SEMA6D: variants seen among roughly 807,000 people sequenced by gnomAD.
SEMA6D encodes semaphorin-6D.
Under a neutral mutation model 106.6 loss-of-function variants are expected in SEMA6D, and 35 were observed. The ratio of observed to expected loss-of-function variants is 0.33; its 90% CI spans 0.25 to 0.44. The LOEUF (loss-of-function observed/expected upper bound fraction) is 0.44. Among genes scored for constraint, SEMA6D ranks in the 20% least tolerant of loss-of-function variants. The pLI, the probability that SEMA6D is intolerant of heterozygous loss-of-function variation, is 1.00. For synonymous variants in SEMA6D, 499 were observed against 487.7 expected, an observed-to-expected ratio of 1.02 and a Z score of -0.31; for missense variants, 1,185 against 1,345.9, an observed-to-expected ratio of 0.88 and a Z score of 1.87.
chr15:47,328,013 T>C (rs994870066), intron 1 of SEMA6D, among the ~76,000 whole-genome samples: 2 of 152,170 alleles, frequency 1.3e-5, no homozygotes, highest in African/African-American at 4.8e-5. Context: ...ATGGATCTAC[T>C]GCAAGTGAAT....
intron 1 of SEMA6D, among the ~76,000 whole-genome samples, chr15:47,734,415 G>A (rs1292136992): frequency 1.3e-5 from 2 of 152,148 alleles, no homozygotes. Context: ...ATGTTCTGCT[G>A]TTGCCATCTT....
intron 3 of SEMA6D, among the ~76,000 whole-genome samples, chr15:47,481,185 GTCT>G (rs367791029): frequency 7.9e-5 from 12 of 152,176 alleles, no homozygotes; most frequent in African/African-American, 2.9e-4. Flanking sequence ...TGGAGAGGGT[GTCT>G]CCAGTAGATG....
At chr15:47,650,409 T>C (rs1472542134) in intron 4 of SEMA6D, among the ~76,000 whole-genome samples, 1 of 152,214 alleles carries the variant, frequency 6.6e-6, no homozygotes, top group Admixed American at 6.5e-5. Flanking sequence ...TTTTGCTGAA[T>C]TCATATTTAA....
At chr15:47,723,122 C>G (rs553178053) in intron 1 of SEMA6D, among the ~76,000 whole-genome samples, 1 of 152,248 alleles carries the variant, frequency 6.6e-6, no homozygotes, top group Non-Finnish European at 1.5e-5. Flanking sequence ...ATGAAAAAGT[C>G]ATGTTTTGGG....
chr15:47,303,142 A>C (rs548957366), intron 1 of SEMA6D, among the ~76,000 whole-genome samples: 1 of 152,356 alleles, frequency 6.6e-6, no homozygotes, highest in African/African-American at 2.4e-5. Context: ...GAGCAAAAGT[A>C]TGCCTAACAA....
At chr15:47,474,254 A>G (rs974229915) in intron 3 of SEMA6D, among the ~76,000 whole-genome samples, 2 of 152,202 alleles carry the variant, frequency 1.3e-5, no homozygotes, top group East Asian at 3.9e-4. Context: ...CATGAGGAAG[A>G]CAGACCCTCC....
chr15:47,674,704 T>C (rs1044302865), intron 4 of SEMA6D, among the ~76,000 whole-genome samples: 4 of 152,196 alleles, frequency 2.6e-5, no homozygotes, highest in African/African-American at 9.6e-5. Context: ...AAAGCAAGCT[T>C]AGGGGAAAGG....
intron 4 of SEMA6D, among the ~76,000 whole-genome samples, chr15:47,688,290 T>C (rs1348421811): frequency 6.6e-6 from 1 of 152,126 alleles, no homozygotes; most frequent in Non-Finnish European, 1.5e-5. Context: ...ATACTGACTA[T>C]TGGGTGCCAT....
intron 2 of SEMA6D, among the ~76,000 whole-genome samples, chr15:47,445,309 G>T (rs1195685815): frequency 6.6e-6 from 1 of 151,992 alleles, no homozygotes; most frequent in Non-Finnish European, 1.5e-5. Flanking sequence ...CTCTGCCGGG[G>T]AACCACCCTC....
At chr15:47,728,923 C>A (rs1032601718) in intron 1 of SEMA6D, among the ~76,000 whole-genome samples, 24 of 152,184 alleles carry the variant, frequency 1.6e-4, no homozygotes, top group African/African-American at 5.8e-4. Flanking sequence ...AGAATAATCT[C>A]CCTATTTTAA....
chr15:47,713,687 G>A (rs979484629), upstream of SEMA6D, among the ~76,000 whole-genome samples: 1 of 152,030 alleles, frequency 6.6e-6, no homozygotes, highest in Non-Finnish European at 1.5e-5. Flanking sequence ...GAAATTCTAC[G>A]TCCTAAATTT....
At chr15:47,313,418 A>T (rs1004001676) in intron 1 of SEMA6D, among the ~76,000 whole-genome samples, 3 of 152,196 alleles carry the variant, frequency 2.0e-5, no homozygotes, top group Non-Finnish European at 2.9e-5. Flanking sequence ...ATATGCATTT[A>T]AGCTTCCTCC....
At chr15:47,661,026 T>C (rs1033833862) in intron 4 of SEMA6D, among the ~76,000 whole-genome samples, 1 of 152,208 alleles carries the variant, frequency 6.6e-6, no homozygotes, top group African/African-American at 2.4e-5. Context: ...CATATTCACT[T>C]AATTTTCTAA....
intron 1 of SEMA6D, among the ~76,000 whole-genome samples, chr15:47,237,433 T>A (rs2032622872): frequency 8.5e-6 from 1 of 117,786 alleles, no homozygotes; most frequent in South Asian, 2.5e-4. Flanking sequence ...TTCTAGTAAT[T>A]TTTTTCACTT....
intron 4 of SEMA6D, chr15:47,603,510 C>G (rs987517649): frequency 2.0e-5 from 3 of 152,114 alleles, no homozygotes; most frequent in African/African-American, 4.8e-5. Flanking sequence ...CTGGTTCTGA[C>G]TTTCTCAACA....
chr15:47,190,251 T>G (rs1226202283), intron 1 of SEMA6D, among the ~76,000 whole-genome samples: 1 of 152,228 alleles, frequency 6.6e-6, no homozygotes, highest in African/African-American at 2.4e-5. Flanking sequence ...GAATAACTCT[T>G]GAGGCTGTTG....
chr15:47,538,307 A>G (rs1165324856), intron 3 of SEMA6D, among the ~76,000 whole-genome samples: 2 of 152,088 alleles, frequency 1.3e-5, no homozygotes, highest in African/African-American at 4.8e-5. Flanking sequence ...ATCAATAGAT[A>G]TTTACTCAAG....
At chr15:47,715,283 T>C (rs1273073470), upstream of SEMA6D, among the ~76,000 whole-genome samples, 2 of 152,028 alleles carry the variant, frequency 1.3e-5, no homozygotes, top group African/African-American at 4.8e-5. Context: ...GTAGCAAAGT[T>C]AAAAGGTTAA....
At chr15:47,601,529 C>A (rs1449579380) in intron 4 of SEMA6D, among the ~76,000 whole-genome samples, 1 of 152,156 alleles carries the variant, frequency 6.6e-6, no homozygotes, top group Non-Finnish European at 1.5e-5. Context: ...TTCAAAAGGG[C>A]ACATTTCCAA....
Sources: allele counts gnomAD v4.1 joint callset (sites outside exome capture counted in the v4.1 genomes callset), GRCh38; gene constraint gnomAD v4.1.1; transcripts MANE v1.5; gene names NCBI Gene and HGNC (gene_info 2026-07-23, HGNC 2026-07-21).